HSF5: variants seen among roughly 807,000 people sequenced by gnomAD.
HSF5 encodes heat shock factor protein 5.
Under a neutral mutation model 50.8 loss-of-function variants are expected in HSF5, and 5 were observed. That is an observed-to-expected ratio of 0.10 (90% CI 0.05 to 0.21). The LOEUF is 0.21. Ranked by LOEUF, HSF5 falls within the 10% of genes least tolerant of loss-of-function variation. The pLI is 1.00. For missense variants in HSF5, 564 were observed against 762.6 expected (o/e 0.74, Z 3.07); for synonymous variants, 307 against 307.4 (o/e 1.00, Z 0.02).
intron 5 of HSF5, among the ~76,000 whole-genome samples, chr17:58,442,948 C>A (rs1974517277): frequency 6.6e-6 from 1 of 151,712 alleles, no homozygotes; most frequent in East Asian, 1.9e-4. Flanking sequence ...CGCTCTGTTG[C>A]CCAGGCTAGA....
At chr17:58,487,285 G>C (rs1975198255) in intron 1 of HSF5, among the ~76,000 whole-genome samples, 1 of 152,144 alleles carries the variant, frequency 6.6e-6, no homozygotes, top group South Asian at 2.1e-4. Context: ...TGCTTCCCAC[G>C]GGAGCAAAGG....
rs1567921674 is a variant in HSF5, at chr17:58,488,238, T to A, written c.37A>T (p.Asn13Tyr). 1 of 1,512,728 alleles carries A rather than the reference T, an allele frequency of 6.6e-7. No homozygotes were observed. Among genetic ancestry groups the A allele is most frequent in the Admixed American group, 2.2e-5 (1 of 45,494 alleles). 93.7% of individuals were successfully genotyped at this position (1,512,728 alleles called of 1,614,324 possible). ...AGGCGCCACAGCTTGGCGGGGAAGTTGTTGGGGTTGATGGGGGTGGAGAGC... is the reference window on the plus strand; with the variant it reads ...AGGCGCCACAGCTTGGCGGGGAAGTAGTTGGGGTTGATGGGGGTGGAGAGC... ...ALLSTPINPNNFPAKLWRLVN... is the reference protein window; with the variant it reads ...ALLSTPINPNYFPAKLWRLVN... Residue 13 changes from asparagine to tyrosine, a missense_variant, in exon 1 of 6, where the codon AAC becomes TAC. Asn to Tyr is a moderately radical substitution (Grantham distance 143). Transcript: ENST00000323777. This position sits in a 1 kb window ranked among gnomAD's most constrained non-coding sequence, Gnocchi z 4.1.
chr17:58,476,751 A>G, intron 2 of HSF5: 1 of 1,598,982 alleles, frequency 6.3e-7, no homozygotes, highest in Non-Finnish European at 8.6e-7. Flanking sequence ...TCTGAAAAAA[A>G]TGGTTGGCGG....
At position 58,445,655 on chromosome 17, in the gene HSF5, T is replaced by C. The variant is rs147360245; in HGVS notation, c.1720+13113A>G. Among the ~76,000 whole-genome samples the C allele has an allele frequency of 1.4e-4, 22 of 152,236 alleles. No homozygotes were observed. In the East Asian group the frequency reaches 3.1e-3, roughly 21 times the overall value. On this transcript the variant is annotated intron_variant, in intron 5 of 5. Transcript: ENST00000323777. ...TACAAATGCTGCATGATTCCACTTA[T>C]ATGAGGTACCTGGAATAGTTAAATG...
chr17:58,435,801 A>T (rs904616542), intron 5 of HSF5, among the ~76,000 whole-genome samples: 2 of 147,612 alleles, frequency 1.4e-5, no homozygotes, highest in Non-Finnish European at 3.0e-5. Context: ...CGGGAGGCTG[A>T]GGCAGGAGAA....
intron 5 of HSF5, among the ~76,000 whole-genome samples, chr17:58,448,077 C>T (rs565048416): frequency 2.3e-5 from 3 of 131,188 alleles, no homozygotes; most frequent in South Asian, 2.3e-4. Context: ...GAAGTTGCAG[C>T]GAATTGAGAT....
chr17:58,488,283 CG>C lies in HSF5; in HGVS notation c.-10del. 6.8e-7 allele frequency: 1 copy of C among 1,461,924 alleles called. No homozygotes were observed. 90.6% of individuals were successfully genotyped at this position (1,461,924 alleles called of 1,614,324 possible). ...GAGAGCAGCGCCTCCATCGCCCCGCCGGGCCGGGGCCTCGCCCCCCGAGCCT... is the reference window on the plus strand; with the variant it reads ...GAGAGCAGCGCCTCCATCGCCCCGCCGGCCGGGGCCTCGCCCCCCGAGCCT... On this transcript the variant is annotated 5_prime_UTR_variant, in exon 1 of 6. Transcript: ENST00000323777. This position sits in a 1 kb window ranked among gnomAD's most constrained non-coding sequence, Gnocchi z 4.1.
chr17:58,485,675 A>G (rs1975160343), intron 1 of HSF5, among the ~76,000 whole-genome samples: 1 of 144,900 alleles, frequency 6.9e-6, no homozygotes, highest in Non-Finnish European at 1.5e-5. Flanking sequence ...TGAGCCCGGG[A>G]GGTGGAGGTT....
chr17:58,456,545 A>G (rs1255026554), intron 5 of HSF5, among the ~76,000 whole-genome samples: 1 of 152,178 alleles, frequency 6.6e-6, no homozygotes, highest in Non-Finnish European at 1.5e-5. Flanking sequence ...AGACAGCTAG[A>G]AGAAAAGGTT....
At chr17:58,448,715 T>C (rs1353079840) in intron 5 of HSF5, among the ~76,000 whole-genome samples, 1 of 151,514 alleles carries the variant, frequency 6.6e-6, no homozygotes, top group East Asian at 1.9e-4. Flanking sequence ...CAGACCTGTT[T>C]TACTAGAAAT....
Position 58,480,739 on chromosome 17 carries a change from T to TA in HSF5, c.551-473dup, listed in dbSNP as rs534014855. Among the ~76,000 whole-genome samples, 955 of 145,764 alleles carry TA rather than the reference T, an allele frequency of 6.6e-3. 5 individuals carry two copies. The highest frequency in any genetic ancestry group is 0.01 in the African/African-American group (411 of 39,550). ...AATGGGTGTGGAACATATAACAAGA[T>TA]AAAAAAAAAAGTAACGCTCTTTGCT... On this transcript the variant is annotated intron_variant, in intron 1 of 5. Coordinates refer to ENST00000323777, the MANE Select transcript of HSF5 (RefSeq NM_001080439.3).
intron 5 of HSF5, among the ~76,000 whole-genome samples, chr17:58,448,396 C>T (rs1368724917): frequency 6.6e-6 from 1 of 151,952 alleles, no homozygotes; most frequent in Non-Finnish European, 1.5e-5. Context: ...CAGAGATCAC[C>T]AAGCAGATCC....
intron 5 of HSF5, among the ~76,000 whole-genome samples, chr17:58,433,366 T>A (rs1974387955): frequency 6.6e-6 from 1 of 152,190 alleles, no homozygotes; most frequent in African/African-American, 2.4e-5. Context: ...TTGGGACACC[T>A]ACTGGACATC....
chr17:58,432,094 T>G (rs1478681203), intron 5 of HSF5, among the ~76,000 whole-genome samples: 1 of 152,164 alleles, frequency 6.6e-6, no homozygotes, highest in Non-Finnish European at 1.5e-5. Context: ...TTATCACAAT[T>G]TTTTAAAAGA....
intron 5 of HSF5, among the ~76,000 whole-genome samples, chr17:58,433,660 G>A (rs915432364): frequency 8.5e-5 from 13 of 152,206 alleles, no homozygotes; most frequent in African/African-American, 3.1e-4. Context: ...AGCATTTCAG[G>A]AAGGTTGAAA....
chr17:58,464,191 TA>T (rs1480727923), intron 3 of HSF5, among the ~76,000 whole-genome samples: 1 of 152,246 alleles, frequency 6.6e-6, no homozygotes, highest in Non-Finnish European at 1.5e-5. Flanking sequence ...TAATGCCAAA[TA>T]ATGTAAATTC....
chr17:58,460,388 T>G (rs1359348413), intron 4 of HSF5, among the ~76,000 whole-genome samples: 1 of 152,028 alleles, frequency 6.6e-6, no homozygotes, highest in Non-Finnish European at 1.5e-5. Context: ...GATCAACTTC[T>G]GAAATACTCC....
chr17:58,484,666 C>T (rs1975144692), intron 1 of HSF5, among the ~76,000 whole-genome samples: 1 of 151,990 alleles, frequency 6.6e-6, no homozygotes, highest in African/African-American at 2.4e-5. Context: ...TGCCCCCTAT[C>T]ATTCCCTACC....
At chr17:58,457,271 AT>A (rs1378551304) in intron 5 of HSF5, among the ~76,000 whole-genome samples, 2 of 150,294 alleles carry the variant, frequency 1.3e-5, no homozygotes, top group Admixed American at 6.6e-5. Flanking sequence ...GAAAAAAAAA[AT>A]AATAATAATA....
Sources: allele counts gnomAD v4.1 joint callset (sites outside exome capture counted in the v4.1 genomes callset), GRCh38; gene constraint gnomAD v4.1.1; non-coding constraint Gnocchi (gnomAD v3.1); transcripts MANE v1.5; gene names NCBI Gene and HGNC (gene_info 2026-07-23, HGNC 2026-07-21).